Variants in PTPN4 observed in about 807,000 individuals in gnomAD.
PTPN4 encodes tyrosine-protein phosphatase non-receptor type 4.
In PTPN4, 49 loss-of-function variants were observed where a neutral mutation model predicts 135.5. The ratio of observed to expected loss-of-function variants is 0.36; its 90% CI spans 0.29 to 0.46. The LOEUF (loss-of-function observed/expected upper bound fraction) is 0.46. Ranked by LOEUF, PTPN4 falls within the 20% of genes least tolerant of loss-of-function variation. The pLI is 1.00. For missense variants in PTPN4, 860 were observed against 1,101.0 expected (o/e 0.78, Z 3.10); for synonymous variants, 333 against 369.9 (o/e 0.90, Z 1.14).
chr2:119,911,219 G>A (rs1346105411), intron 10 of PTPN4, among the ~76,000 whole-genome samples: 1 of 152,004 alleles, frequency 6.6e-6, no homozygotes, highest in African/African-American at 2.4e-5. Flanking sequence ...GAAAACTGCA[G>A]TTACTCATGA....
chr2:119,838,597 T>TTAAAATTAAA (rs1266190873), intron 2 of PTPN4, among the ~76,000 whole-genome samples: 17 of 152,220 alleles, frequency 1.1e-4, no homozygotes. Context: ...ATTCTAGTGA[T>TTAAAATTAAA]AAAGCTAAAT....
chr2:119,766,552 A>G (rs1690635065), intron 1 of PTPN4, among the ~76,000 whole-genome samples: 1 of 151,950 alleles, frequency 6.6e-6, no homozygotes, highest in Non-Finnish European at 1.5e-5. Context: ...TGCCCTAAAC[A>G]TGCATTTAGT....
At chr2:119,847,275 T>TACACACACACACACACAC (rs775485671) in intron 2 of PTPN4, among the ~76,000 whole-genome samples, 1 of 107,538 alleles carries the variant, frequency 9.3e-6, no homozygotes, top group Non-Finnish European at 1.8e-5. Context: ...ATACTCTATA[T>TACACACACACACACACAC]ACACACACAC....
intron 23 of PTPN4, among the ~76,000 whole-genome samples, chr2:119,961,879 G>T (rs1277547074): frequency 1.3e-5 from 2 of 152,160 alleles, no homozygotes; most frequent in African/African-American, 4.8e-5. Flanking sequence ...TAGATCTGGG[G>T]TAAGGATGGG....
chr2:119,875,465 A>G (rs1213572419), intron 3 of PTPN4, among the ~76,000 whole-genome samples: 2 of 152,186 alleles, frequency 1.3e-5, no homozygotes, highest in African/African-American at 2.4e-5. Context: ...TTGATTGTAG[A>G]CAGTCATTAA....
chr2:119,847,592 C>T (rs1339420189), intron 2 of PTPN4, among the ~76,000 whole-genome samples: 1 of 152,116 alleles, frequency 6.6e-6, no homozygotes, highest in African/African-American at 2.4e-5. Context: ...TCCCAAAGTG[C>T]TAGGATTACA....
At chr2:119,811,590 T>C (rs1186830415) in intron 2 of PTPN4, among the ~76,000 whole-genome samples, 1 of 152,194 alleles carries the variant, frequency 6.6e-6, no homozygotes, top group African/African-American at 2.4e-5. Context: ...TATTAGACAG[T>C]TGATGTAAGA....
At chr2:119,766,875 T>C (rs1690639921) in intron 1 of PTPN4, among the ~76,000 whole-genome samples, 1 of 152,102 alleles carries the variant, frequency 6.6e-6, no homozygotes, top group East Asian at 1.9e-4. Context: ...AAGATGATGC[T>C]AGGATTTCTT....
intron 19 of PTPN4, among the ~76,000 whole-genome samples, chr2:119,953,619 T>A (rs551223959): frequency 1.4e-4 from 22 of 152,334 alleles, no homozygotes; most frequent in African/African-American, 5.3e-4. Context: ...TCTGTATTTA[T>A]TGTATTATAT....
In PTPN4 at chr2:119,890,272, C is replaced by CTTG. The variant is rs573993788; in HGVS notation, c.675+4392_675+4393insGTT. Among the ~76,000 whole-genome samples the CTTG allele has an allele frequency of 4.1e-5, 6 of 147,656 alleles. No homozygotes were observed. In the East Asian group the frequency reaches 1.0e-3, roughly 25 times the overall value. The stretch of plus-strand genomic sequence containing the variant: ...GTCATTATATAATGACCTTCTTTGT[C>CTTG]TTTTTTTTTTAACTGTTCTTGAAAT... On this transcript the variant is annotated intron_variant, in intron 9 of 26. Coordinates refer to ENST00000263708, the MANE Select transcript of PTPN4 (RefSeq NM_002830.4).
At position 119,929,820 on chromosome 2, in the gene PTPN4, G is replaced by A. The variant is rs143593689; in HGVS notation, c.1071-2604G>A. 6.6e-5 allele frequency among the ~76,000 whole-genome samples: 10 copies of A among 152,228 alleles called. No individual in the cohort carries two copies. The East Asian group carries it at 1.3e-3, about 21-fold the overall frequency. On this transcript the variant is annotated intron_variant, in intron 13 of 26. Transcript: ENST00000263708. ...ATTAACAGCAATAAAGTGTTCTGAC[G>A]CTTCAGACTAGGTGAGTGTGCTGGA...
chr2:119,882,179 A>G (rs1378247816), intron 7 of PTPN4, 30 bp downstream of exon 7: 1 of 1,564,034 alleles, frequency 6.4e-7, no homozygotes, highest in African/African-American at 1.4e-5. Flanking sequence ...TAGGTCAAAT[A>G]GCATATAACT....
At chr2:119,976,026 C>T (rs1267773022) in intron 26 of PTPN4, among the ~76,000 whole-genome samples, 2 of 141,330 alleles carry the variant, frequency 1.4e-5, no homozygotes, top group East Asian at 2.0e-4. Flanking sequence ...GACGGAGTCT[C>T]GTTCTGTTGC....
chr2:119,789,212 C>T (rs1255947836), intron 1 of PTPN4, among the ~76,000 whole-genome samples: 1 of 151,768 alleles, frequency 6.6e-6, no homozygotes, highest in Non-Finnish European at 1.5e-5. Context: ...TGTATATTGG[C>T]CACTTGTATA....
In PTPN4 at chr2:119,950,031, A is replaced by T. The variant is rs147696878; in HGVS notation, c.1657-1942A>T. Among the ~76,000 whole-genome samples the T allele has an allele frequency of 5.3e-5, 8 of 152,342 alleles. No homozygotes were observed. In the East Asian group the frequency reaches 1.3e-3, roughly 26 times the overall value. ...AATTGTAACATATCTGACAAAAGGC[A>T]TATTAACTATAAGAGAGTTCCCTTT... On this transcript the variant is annotated intron_variant, in intron 18 of 26. Transcript: ENST00000263708.
At chr2:119,797,414 G>A (rs1322874972) in intron 1 of PTPN4, among the ~76,000 whole-genome samples, 1 of 152,156 alleles carries the variant, frequency 6.6e-6, no homozygotes, top group Non-Finnish European at 1.5e-5. Flanking sequence ...ACTCCCCTAT[G>A]GTGACCATCT....
At chr2:119,945,686 C>T (rs1407747649) in intron 16 of PTPN4, among the ~76,000 whole-genome samples, 1 of 151,966 alleles carries the variant, frequency 6.6e-6, no homozygotes, top group Non-Finnish European at 1.5e-5. Flanking sequence ...TGTAGGATTT[C>T]ATATATGTGA....
chr2:119,843,218 C>CTTTTTTT (rs779045976), intron 2 of PTPN4, among the ~76,000 whole-genome samples: 56 of 107,222 alleles, frequency 5.2e-4, no homozygotes, highest in Non-Finnish European at 6.8e-4. Flanking sequence ...ATGCATTTTT[C>CTTTTTTT]TTTTTTTTTT....
At chr2:119,837,404 C>T (rs934078188) in intron 2 of PTPN4, among the ~76,000 whole-genome samples, 2 of 152,098 alleles carry the variant, frequency 1.3e-5, no homozygotes, top group African/African-American at 4.8e-5. Flanking sequence ...CTCCTCTCCA[C>T]CGAGAGCTGG....
Sources: gnomAD v4.1 joint callset for allele counts (sites outside exome capture counted in the v4.1 genomes callset) on GRCh38, gnomAD v4.1.1 for gene constraint, MANE v1.5 for transcripts, NCBI Gene and HGNC (gene_info 2026-07-23, HGNC 2026-07-21) for gene names.